TMCC3: variants seen among roughly 807,000 people sequenced by gnomAD.
The protein encoded by TMCC3 is transmembrane and coiled-coil domain protein 3.
Under a neutral mutation model 40.2 loss-of-function variants are expected in TMCC3, and 28 were observed. The ratio of observed to expected loss-of-function variants is 0.70; its 90% CI spans 0.52 to 0.95. TMCC3 has a LOEUF of 0.95. Ranked by LOEUF, TMCC3 falls within the 40% of genes least tolerant of loss-of-function variation. The pLI is 0.00. For synonymous variants in TMCC3, 255 were observed against 248.5 expected, an observed-to-expected ratio of 1.03 and a Z score of -0.25; for missense variants, 554 against 615.2, an observed-to-expected ratio of 0.90 and a Z score of 1.05.
intron 1 of TMCC3, among the ~76,000 whole-genome samples, chr12:94,633,528 G>T (rs556659345): frequency 1.3e-5 from 2 of 152,060 alleles, no homozygotes; most frequent in Non-Finnish European, 2.9e-5. Context: ...TAATGATTAC[G>T]GTTTTCTCCA....
chr12:94,583,311 C>A (rs1417313227), intron 1 of TMCC3, among the ~76,000 whole-genome samples: 2 of 151,894 alleles, frequency 1.3e-5, no homozygotes, highest in African/African-American at 4.8e-5. Flanking sequence ...TTGAGACCAG[C>A]CTGGCTAACA....
intron 1 of TMCC3, among the ~76,000 whole-genome samples, chr12:94,637,441 A>G (rs1017044477): frequency 3.3e-5 from 5 of 152,246 alleles, no homozygotes; most frequent in African/African-American, 1.2e-4. Context: ...GGATCAAAAC[A>G]GTTGAAAACA....
chr12:94,643,534 A>G (rs918425098), intron 1 of TMCC3, among the ~76,000 whole-genome samples: 3 of 152,228 alleles, frequency 2.0e-5, no homozygotes, highest in African/African-American at 7.2e-5. Context: ...ATGATCTTAA[A>G]TCATGAGCTT....
At chr12:94,605,109 G>A (rs541816051) in intron 1 of TMCC3, among the ~76,000 whole-genome samples, 5 of 152,178 alleles carry the variant, frequency 3.3e-5, no homozygotes, top group Non-Finnish European at 5.9e-5. Flanking sequence ...AAAGGGAGGC[G>A]GCACAAGGCT....
chr12:94,649,452 G>A (rs147953220), intron 1 of TMCC3, among the ~76,000 whole-genome samples: 312 of 152,310 alleles, frequency 2.0e-3, no homozygotes, highest in Non-Finnish European at 3.7e-3. Context: ...AGTAGTTGGC[G>A]GAGCAAAGAA....
At chr12:94,597,828 T>C (rs2068728052) in intron 1 of TMCC3, among the ~76,000 whole-genome samples, 1 of 151,872 alleles carries the variant, frequency 6.6e-6, no homozygotes. Flanking sequence ...AAATAAATAA[T>C]AAAAATAAAA....
In TMCC3 at chr12:94,581,603, A is replaced by G. The variant is rs1488474669; in HGVS notation, c.995+19T>C. 6.0e-6 allele frequency: 8 copies of G among 1,340,054 alleles called. No individual in the cohort carries two copies. The highest frequency in any genetic ancestry group is 3.0e-5 in the African/African-American group (2 of 66,640). 83.0% of individuals were successfully genotyped at this position (1,340,054 alleles called of 1,614,324 possible). ...TAAATAAAAAATAAAAAACACGCCA[A>G]TGGAATACTTTGAAATACCTGTATC... On this transcript the variant is annotated intron_variant, in intron 2 of 3. Coordinates refer to ENST00000261226, the MANE Select transcript of TMCC3 (RefSeq NM_020698.4).
chr12:94,593,421 A>AGG (rs1566320666), intron 1 of TMCC3, among the ~76,000 whole-genome samples: 1 of 44,228 alleles, frequency 2.3e-5, no homozygotes, highest in African/African-American at 8.9e-5. Flanking sequence ...GAAGAAGAAG[A>AGG]AGGAAGAAGA....
chr12:94,607,239 C>T (rs2068789029), intron 1 of TMCC3, among the ~76,000 whole-genome samples: 1 of 152,102 alleles, frequency 6.6e-6, no homozygotes, highest in East Asian at 1.9e-4. Context: ...CTGAAAATCA[C>T]TGTTATTCTG....
At chr12:94,614,599 A>G (rs2202103) in intron 1 of TMCC3, among the ~76,000 whole-genome samples, 143,943 of 152,208 alleles carry the variant, frequency 0.95, 68,193 homozygotes, top group African/African-American at 0.97. Context: ...TACAAGCAGC[A>G]CTCTTGCAGT....
intron 1 of TMCC3, among the ~76,000 whole-genome samples, chr12:94,605,739 C>T (rs907878869): frequency 9.9e-5 from 15 of 152,172 alleles, no homozygotes; most frequent in Non-Finnish European, 2.9e-5. Flanking sequence ...AAGTTTTCAC[C>T]TACGATGAAC....
At chr12:94,582,997 A>ATTTTTTT in intron 1 of TMCC3, among the ~76,000 whole-genome samples, 1 of 24,626 alleles carries the variant, frequency 4.1e-5, no homozygotes, top group Non-Finnish European at 7.3e-5. Flanking sequence ...TTTTTTTTAA[A>ATTTTTTT]AAAGAAAGAT....
intron 1 of TMCC3, among the ~76,000 whole-genome samples, chr12:94,649,490 G>A (rs1427931276): frequency 6.6e-6 from 1 of 152,246 alleles, no homozygotes; most frequent in Non-Finnish European, 1.5e-5. Flanking sequence ...TGCCAGAACA[G>A]ATGCCAGCGT....
At chr12:94,571,860 C>T (rs1231848407) in intron 3 of TMCC3, 123 bp from the exon 4 acceptor site, 3 of 895,126 alleles carry the variant, frequency 3.4e-6, no homozygotes, top group Non-Finnish European at 5.1e-6. Flanking sequence ...GGCTGCAAAT[C>T]CCCAAACCGA....
chr12:94,568,381 C>G lies in TMCC3; in HGVS notation c.*3054G>C, dbSNP rs1381464609. 6.6e-6 allele frequency: 1 copy of G among 151,606 alleles called. No homozygotes were observed. Among genetic ancestry groups the G allele is most frequent in the Non-Finnish European group, 1.5e-5 (1 of 68,010 alleles). 9.4% of individuals were successfully genotyped at this position (151,606 alleles called of 1,614,324 possible). On this transcript the variant is annotated 3_prime_UTR_variant, in exon 4 of 4. Transcript: ENST00000261226. ...ACTATGTCACCAGATAAACCCAGTG[C>G]TAGAATCCAATGTCCAGCATCTTCA...
At chr12:94,582,616 A>G in intron 1 of TMCC3, 78 bp from the exon 2 acceptor site, 1 of 1,290,744 alleles carries the variant, frequency 7.7e-7, no homozygotes, top group Non-Finnish European at 1.1e-6. Flanking sequence ...ATGCACATAC[A>G]AGATACATAC....
Position 94,578,488 on chromosome 12 carries a change from A to C in TMCC3, c.1037T>G (p.Leu346Arg). ...LEDQLHDLTD[L>R]HQHETANLKQ... The stretch of plus-strand genomic sequence containing the variant: ...CAGGTTGGCTGTCTCATGCTGATGC[A>C]GGTCCGTCAGGTCATGCAGCTGGTC... The change falls in exon 3 of 4, where the codon CTG (leucine) becomes CGG (arginine). Residue 346 changes from leucine to arginine, a missense_variant. By Grantham distance (102) the Leu-to-Arg change is moderately radical. Coordinates refer to ENST00000261226, the MANE Select transcript of TMCC3 (RefSeq NM_020698.4). 6.2e-7 allele frequency: 1 copy of C among 1,614,120 alleles called. No individual in the cohort carries two copies.
intron 1 of TMCC3, among the ~76,000 whole-genome samples, chr12:94,630,966 T>G (rs2068930355): frequency 6.6e-6 from 1 of 152,188 alleles, no homozygotes; most frequent in African/African-American, 2.4e-5. Flanking sequence ...TGACCTCAAG[T>G]GATCTGCCCA....
chr12:94,616,624 T>C (rs2059517395), intron 1 of TMCC3, among the ~76,000 whole-genome samples: 1 of 150,756 alleles, frequency 6.6e-6, no homozygotes, highest in Admixed American at 6.6e-5. Flanking sequence ...CACTGATAAG[T>C]GTCAGGAGAG....
Sources: allele counts gnomAD v4.1 joint callset (sites outside exome capture counted in the v4.1 genomes callset), GRCh38; gene constraint gnomAD v4.1.1; transcripts MANE v1.5; gene names NCBI Gene and HGNC (gene_info 2026-07-23, HGNC 2026-07-21).